CNTNAP1: variants seen among roughly 807,000 people sequenced by gnomAD.
CNTNAP1 encodes contactin associated protein 1.
CNTNAP1 carries 80 observed loss-of-function variants against 161.5 expected under a neutral mutation model. That is an observed-to-expected ratio of 0.50 (90% CI 0.41 to 0.60). The LOEUF (loss-of-function observed/expected upper bound fraction) is 0.60. Ranked by LOEUF, CNTNAP1 falls within the 20% of genes least tolerant of loss-of-function variation. The pLI is 0.00. For missense variants in CNTNAP1, 1,464 were observed against 1,854.8 expected (o/e 0.79, Z 3.87); for synonymous variants, 695 against 733.1 (o/e 0.95, Z 0.84).
intron 12 of CNTNAP1, 75 bp from the exon 13 acceptor site, chr17:42,690,664 G>T (rs1166090440): frequency 1.4e-6 from 2 of 1,461,118 alleles, no homozygotes; most frequent in Non-Finnish European, 1.9e-6. Context: ...TGCAGCAGCG[G>T]TGGTGGAGGT....
intron 20 of CNTNAP1, among the ~76,000 whole-genome samples, chr17:42,696,357 C>T (rs930656671): frequency 1.8e-4 from 25 of 142,228 alleles, no homozygotes; most frequent in African/African-American, 6.0e-4. Context: ...GAATTTTGCT[C>T]TTGTTGCCCA....
chr17:42,684,640 G>T (rs1435143218), intron 3 of CNTNAP1, among the ~76,000 whole-genome samples: 1 of 151,974 alleles, frequency 6.6e-6, no homozygotes. Flanking sequence ...AAGAAGCAGA[G>T]GGGGGCCGGG....
At position 42,691,219 on chromosome 17, in the gene CNTNAP1, C is replaced by T. The variant is rs763195242; in HGVS notation, c.2142C>T (p.Arg714=). 1 of 1,614,202 alleles carries T rather than the reference C, an allele frequency of 6.2e-7. No individual in the cohort carries two copies. The highest frequency in any genetic ancestry group is 2.2e-5 in the East Asian group (1 of 44,882). ...YWGGSQPGIQ[R]CACGLDRSCV... ...GAGGCTCCCAGCCTGGGATCCAGCG[C>T]TGTGCCTGTGGTCTGGACCGGAGCT... Residue 714 remains arginine (R), a synonymous_variant, in exon 14 of 24, where the codon CGC becomes CGT. Coordinates refer to ENST00000264638, the MANE Select transcript of CNTNAP1 (RefSeq NM_003632.3). This position sits in a 1 kb window ranked among gnomAD's most constrained non-coding sequence, Gnocchi z 4.3.
At chr17:42,698,493 C>T in intron 23 of CNTNAP1, 125 bp from the exon 24 acceptor site, 2 of 602,856 alleles carry the variant, frequency 3.3e-6, no homozygotes, top group Non-Finnish European at 5.4e-6. Flanking sequence ...AGGTGAAATC[C>T]CAAAGTGTGT....
chr17:42,697,981 C>CT, intron 23 of CNTNAP1, 31 bp downstream of exon 23: 1 of 1,612,424 alleles, frequency 6.2e-7, no homozygotes. Flanking sequence ...AGCTGACCTC[C>CT]CAAGACTACC....
rs965758345 is a variant in CNTNAP1, at chr17:42,691,633, C to T, written c.2344+122C>T. 43 of 1,435,956 alleles carry T rather than the reference C, an allele frequency of 3.0e-5. No individual in the cohort carries two copies. In the East Asian group the frequency reaches 3.6e-4, roughly 12 times the overall value. The allele number at this position is 1,435,956 out of a possible 1,614,324, so 89.0% of individuals were successfully genotyped here. A position where few individuals can be genotyped will look rare whatever the true frequency, so the allele number is the denominator to read the frequency against. On this transcript the variant is annotated intron_variant, in intron 15 of 23. Transcript: ENST00000264638. This position sits in a 1 kb window ranked among gnomAD's most constrained non-coding sequence, Gnocchi z 4.3. The stretch of plus-strand genomic sequence containing the variant: ...CCGACCCCCAGCTCCTGCTGTGATG[C>T]GATCTCATTACCCCTCTGCACCTGG...
intron 12 of CNTNAP1, 116 bp downstream of exon 12, chr17:42,690,323 C>T: frequency 7.9e-7 from 1 of 1,271,204 alleles, no homozygotes; most frequent in Non-Finnish European, 1.1e-6. Flanking sequence ...AGGGGAAGGG[C>T]ATACTGAGGA....
chr17:42,686,480 T>G (rs985263010), intron 6 of CNTNAP1, among the ~76,000 whole-genome samples: 14 of 132,010 alleles, frequency 1.1e-4, no homozygotes, highest in East Asian at 2.0e-4. Context: ...TTTTTTTTTT[T>G]TTTTTTTTTT....
In CNTNAP1 at chr17:42,695,815, T is replaced by C. The variant is rs1345526425; in HGVS notation, c.3287T>C (p.Val1096Ala). 6.2e-7 allele frequency: 1 copy of C among 1,614,088 alleles called. No individual in the cohort carries two copies. Among genetic ancestry groups the C allele is most frequent in the Non-Finnish European group, 8.5e-7 (1 of 1,180,038 alleles). The change falls in exon 19 of 24, where the codon GTC becomes GCC. Residue 1096 changes from valine (V) to alanine (A), a missense_variant. Coordinates refer to ENST00000264638, the MANE Select transcript of CNTNAP1 (RefSeq NM_003632.3). ...TTCAGCACCAGCTCCGCCCCTGCTG[T>C]CCTGCTCTACGTCAGTTCCTTTGTT... ...FSFSTSSAPA[V>A]LLYVSSFVRD...
chr17:42,691,104 A>G lies in CNTNAP1; in HGVS notation c.2060-33A>G. The G allele has an allele frequency of 6.2e-7, 1 of 1,609,790 alleles. No individual in the cohort carries two copies. Among genetic ancestry groups the G allele is most frequent in the Non-Finnish European group, 8.5e-7 (1 of 1,178,078 alleles). ...GGAGCCCAGAGGCTAATGGAGGGAC[A>G]GGGCCTGGAAGCTGCCTGCACCTCT... is the stretch of plus-strand genomic sequence containing the variant. On this transcript the variant is annotated intron_variant, in intron 13 of 23. Transcript: ENST00000264638. The surrounding 1 kb of genome is among the most constrained non-coding windows in gnomAD (Gnocchi z 4.3).
rs112344327 is a variant in CNTNAP1, at chr17:42,698,534, C to CGTGT, written c.3863-53_3863-50dup. The CGTGT allele has an allele frequency of 9.6e-3, 8,333 of 864,464 alleles. 130 individuals are homozygous for CGTGT. The highest frequency in any genetic ancestry group is 0.073 in the African/African-American group (3,814 of 52,292). 53.5% of individuals were successfully genotyped at this position (864,464 alleles called of 1,614,324 possible). A position where few individuals can be genotyped will look rare whatever the true frequency, so the allele number is the denominator to read the frequency against. On this transcript the variant is annotated intron_variant, in intron 23 of 23. Transcript: ENST00000264638. ...TATACAGGTGAAATCTCAAAGAGTG[C>CGTGT]GTGTGTGTGTGTGTGTGTGTGTGTG...
chr17:42,693,677 AGT>A, intron 18 of CNTNAP1, 141 bp downstream of exon 18: 1 of 1,257,374 alleles, frequency 8.0e-7, no homozygotes, highest in Non-Finnish European at 1.1e-6. Context: ...GAGTTTGGGG[AGT>A]TAGGCAGTTG....
In CNTNAP1 at chr17:42,688,332, G is replaced by A. The variant is rs79313035; in HGVS notation, c.1307-130G>A. On this transcript the variant is annotated intron_variant, in intron 8 of 23. Coordinates refer to ENST00000264638, the MANE Select transcript of CNTNAP1 (RefSeq NM_003632.3). ...ATTCAGAGAGGTCTCCACTGGGTGT[G>A]AGAAGTGTAATCACGGGGGCACACA... The A allele has an allele frequency of 2.2e-3, 2,771 of 1,231,586 alleles. 51 individuals are homozygous for A. The African/African-American group carries it at 0.037, about 16-fold the overall frequency. The allele number at this position is 1,231,586 out of a possible 1,614,324, so 76.3% of individuals were successfully genotyped here. A position where few individuals can be genotyped will look rare whatever the true frequency, so the allele number is the denominator to read the frequency against.
In CNTNAP1 at chr17:42,685,398, C is replaced by T. The variant is rs753641708; in HGVS notation, c.693C>T (p.His231=). 1.9e-6 allele frequency: 3 copies of T among 1,603,548 alleles called. No homozygotes were observed. In the African/African-American group the frequency reaches 4.0e-5, roughly 21 times the overall value. Residue 231 remains histidine (H), a synonymous_variant, in exon 5 of 24, where the codon CAC becomes CAT. Coordinates refer to ENST00000264638, the MANE Select transcript of CNTNAP1 (RefSeq NM_003632.3). The surrounding 1 kb of genome is among the most constrained non-coding windows in gnomAD (Gnocchi z 5.0). ...TGACGCTCGAGCTGGAGGGGGCACA[C>T]CTGCTGCTGCACATGAGCCTGGGTG... is the stretch of plus-strand genomic sequence containing the variant. ...DYVTLELEGA[H]LLLHMSLGSS...
chr17:42,686,479 T>TGTTTGTTTG (rs1555642244), intron 6 of CNTNAP1, among the ~76,000 whole-genome samples: 2 of 118,274 alleles, frequency 1.7e-5, no homozygotes, highest in African/African-American at 6.7e-5. Flanking sequence ...GTTTTTTTTT[T>TGTTTGTTTG]TTTTTTTTTT....
At position 42,693,380 on chromosome 17, in the gene CNTNAP1, C is replaced by T. The variant is rs771176491; in HGVS notation, c.2836C>T (p.Arg946Cys). 4.9e-5 allele frequency: 79 copies of T among 1,614,220 alleles called. No homozygotes were observed. The highest frequency in any genetic ancestry group is 6.4e-5 in the Non-Finnish European group (76 of 1,180,042). The change falls in exon 18 of 24, where the codon CGT (arginine) becomes TGT (cysteine). Residue 946 changes from arginine to cysteine, a missense_variant. Arg to Cys is a radical substitution (Grantham distance 180). Around this residue, in one of 3 missense-constraint regions of CNTNAP1, gnomAD observed 1,383 missense variants for 1,765.0 expected, o/e 0.78. Transcript: ENST00000264638. Reference protein sequence around the residue: ...LNGVTLNLEGRANASEGTSPN... With the variant: ...LNGVTLNLEGCANASEGTSPN... ...CGGAGTGACTCTGAACCTGGAGGGC[C>T]GTGCCAATGCCTCTGAGGGTACCTC... is the stretch of plus-strand genomic sequence containing the variant.
At position 42,699,204 on chromosome 17, in the gene CNTNAP1, T is replaced by C. The variant is rs1235286026; in HGVS notation, c.*294T>C. On this transcript the variant is annotated 3_prime_UTR_variant, in exon 24 of 24. Coordinates refer to ENST00000264638, the MANE Select transcript of CNTNAP1 (RefSeq NM_003632.3). The stretch of plus-strand genomic sequence containing the variant: ...GGGTTGACATAGGTCCTTTCTGCCA[T>C]CTCTGTTCCAGCTGCTGTCAGGGAT... 4 of 340,620 alleles carry C rather than the reference T, an allele frequency of 1.2e-5. No homozygotes were observed. Among genetic ancestry groups the C allele is most frequent in the Non-Finnish European group, 2.1e-5 (4 of 188,814 alleles). 21.1% of individuals were successfully genotyped at this position (340,620 alleles called of 1,614,324 possible). A position where few individuals can be genotyped will look rare whatever the true frequency, so the allele number is the denominator to read the frequency against.
chr17:42,684,861 G>A, intron 3 of CNTNAP1, 130 bp from the exon 4 acceptor site: 1 of 1,044,362 alleles, frequency 9.6e-7, no homozygotes, highest in South Asian at 1.7e-5. Flanking sequence ...GGAGGCAGAG[G>A]TTGCGGTGAG....
chr17:42,693,963 C>A (rs1481790883), intron 18 of CNTNAP1, among the ~76,000 whole-genome samples: 2 of 151,338 alleles, frequency 1.3e-5, no homozygotes, highest in African/African-American at 4.9e-5. Context: ...CTGGTTCAAG[C>A]GATTCTTTTG....
Sources: gnomAD v4.1 joint callset for allele counts (sites outside exome capture counted in the v4.1 genomes callset) on GRCh38, gnomAD v4.1.1 for gene constraint, gnomAD v4.1.1 regional missense constraint, Gnocchi (gnomAD v3.1) non-coding constraint, MANE v1.5 for transcripts, NCBI Gene and HGNC (gene_info 2026-07-23, HGNC 2026-07-21) for gene names.